The following FHDC1 variants were observed in gnomAD, a reference collection of about 807,000 sequenced individuals.
FHDC1 encodes the protein FH2 domain-containing protein 1.
In FHDC1, 25 loss-of-function variants were observed where a neutral mutation model predicts 52.6. The ratio of observed to expected loss-of-function variants is 0.48; its 90% CI spans 0.35 to 0.66. The LOEUF is 0.66. Among genes scored for constraint, FHDC1 ranks in the 30% least tolerant of loss-of-function variants. The pLI is 0.01. For synonymous variants in FHDC1, 616 were observed against 581.5 expected, an observed-to-expected ratio of 1.06 and a Z score of -0.85; for missense variants, 1,459 against 1,452.8, an observed-to-expected ratio of 1.00 and a Z score of -0.07.
At chr4:152,931,832 G>A (rs1324820679), upstream of FHDC1, among the ~76,000 whole-genome samples, 1 of 151,444 alleles carries the variant, frequency 6.6e-6, no homozygotes, top group Non-Finnish European at 1.5e-5. Context: ...ACCTACTTGG[G>A]AGGCTGAAGT....
At position 152,976,379 on chromosome 4, in the gene FHDC1, C is replaced by T. The variant is rs1740884516; in HGVS notation, c.3088C>T (p.Pro1030Ser). Residue 1030 changes from proline to serine, a missense_variant, in exon 12 of 12, where the codon CCC becomes TCC. Pro to Ser is a moderately conservative substitution (Grantham distance 74). Around this residue, in one of 3 missense-constraint regions of FHDC1, gnomAD observed 939 missense variants for 854.5 expected, o/e 1.10. Transcript: ENST00000511601. Reference protein sequence around the residue: ...PSVPSVPHELPRVPSFARNTV... With the variant: ...PSVPSVPHELSRVPSFARNTV... ...AGTGCCCAGCGTCCCCCACGAACTA[C>T]CCCGTGTCCCGAGCTTTGCCCGGAA... is the stretch of plus-strand genomic sequence containing the variant. 1 of 1,613,706 alleles carries T rather than the reference C, an allele frequency of 6.2e-7. No homozygotes were observed. Among genetic ancestry groups the T allele is most frequent in the African/African-American group, 1.3e-5 (1 of 74,930 alleles).
At chr4:152,963,769 G>GTTTTTCTTTT (rs1740361370) in intron 8 of FHDC1, among the ~76,000 whole-genome samples, 1 of 51,794 alleles carries the variant, frequency 1.9e-5, no homozygotes, top group Non-Finnish European at 3.7e-5. Flanking sequence ...CCATTGCTTT[G>GTTTTTCTTTT]TTTTTTTTTT....
chr4:152,946,175 C>T (rs569869224), intron 2 of FHDC1, among the ~76,000 whole-genome samples: 5 of 152,226 alleles, frequency 3.3e-5, no homozygotes, highest in South Asian at 2.1e-4. Context: ...TGAATAATGC[C>T]GCTGTGTACA....
At chr4:152,971,791 A>G (rs1740646275) in intron 10 of FHDC1, among the ~76,000 whole-genome samples, 1 of 152,206 alleles carries the variant, frequency 6.6e-6, no homozygotes, top group African/African-American at 2.4e-5. Context: ...GAATACAGGC[A>G]TGGCCTGTTG....
chr4:152,958,407 C>T (rs1322027957), intron 4 of FHDC1, among the ~76,000 whole-genome samples: 3 of 152,186 alleles, frequency 2.0e-5, no homozygotes, highest in African/African-American at 7.2e-5. Context: ...TCTTAAAGAA[C>T]ATAAATCTCA....
the FHDC1 span, among the ~76,000 whole-genome samples, chr4:152,919,729 A>G: frequency 1.3e-5 from 2 of 152,104 alleles, no homozygotes; most frequent in African/African-American, 2.4e-5. Flanking sequence ...AGCAATTTAT[A>G]TGACTTTAGT....
intron 7 of FHDC1, 62 bp downstream of exon 7, chr4:152,962,946 TGTGTGTG>T (rs529081495): frequency 0.081 from 99,519 of 1,230,896 alleles, 2,322 homozygotes; most frequent in Non-Finnish European, 0.096. Context: ...TAAAGGTGTG[TGTGTGTG>T]TGTGTGTGTG....
chr4:152,935,979 C>A (rs969581593), upstream of FHDC1, among the ~76,000 whole-genome samples: 4 of 152,106 alleles, frequency 2.6e-5, no homozygotes, highest in South Asian at 8.3e-4. Context: ...CTCGCCCGTT[C>A]CCCGAGGACA....
intron 3 of FHDC1, among the ~76,000 whole-genome samples, chr4:152,953,874 G>T (rs1740000906): frequency 6.6e-6 from 1 of 152,276 alleles, no homozygotes; most frequent in African/African-American, 2.4e-5. Flanking sequence ...AGCGGTCAGA[G>T]TTTTGTGTTC....
At chr4:152,921,247 T>C in the FHDC1 span, among the ~76,000 whole-genome samples, 1 of 151,928 alleles carries the variant, frequency 6.6e-6, no homozygotes, top group Non-Finnish European at 1.5e-5. Flanking sequence ...AACACATTTC[T>C]TTTTTAGAAA....
chr4:152,973,583 C>T (rs1470985364), intron 11 of FHDC1, among the ~76,000 whole-genome samples: 1 of 152,218 alleles, frequency 6.6e-6, no homozygotes, highest in Non-Finnish European at 1.5e-5. Flanking sequence ...AAGAGCCAGG[C>T]ACCGGCCCCA....
rs58783965 is a variant in FHDC1 at position 152,963,769 on chromosome 4, G to GTTTTTTTTTTTTTTTTTT, written c.1029+656_1029+673dup. The stretch of plus-strand genomic sequence containing the variant: ...GGAGTCTGATCCTATCCATTGCTTT[G>GTTTTTTTTTTTTTTTTTT]TTTTTTTTTTTTTTTTTTTTTTTTT... On this transcript the variant is annotated intron_variant, in intron 8 of 11. Coordinates refer to ENST00000511601, the MANE Select transcript of FHDC1 (RefSeq NM_001371116.1). Among the ~76,000 whole-genome samples the GTTTTTTTTTTTTTTTTTT allele has an allele frequency of 1.5e-4, 8 of 51,802 alleles. 2 individuals carry two copies. The highest frequency in any genetic ancestry group is 2.6e-4 in the African/African-American group (4 of 15,446). The allele number at this position is 51,802 out of a possible 152,430, so 34.0% of individuals were successfully genotyped here.
At chr4:152,937,285 C>G (rs879882298) in intron 1 of FHDC1, among the ~76,000 whole-genome samples, 35 of 152,218 alleles carry the variant, frequency 2.3e-4, no homozygotes, top group Non-Finnish European at 3.5e-4. Flanking sequence ...GGGTTGGGAG[C>G]GCGCGGCCGC....
chr4:152,976,035 C>T lies in FHDC1; in HGVS notation c.2744C>T (p.Ala915Val), dbSNP rs1331411088. 2.6e-6 allele frequency: 4 copies of T among 1,565,812 alleles called. No individual in the cohort carries two copies. The highest frequency in any genetic ancestry group is 3.4e-6 in the Non-Finnish European group (4 of 1,160,606). The change falls in exon 12 of 12, where the codon GCC becomes GTC. Residue 915 changes from alanine to valine, a missense_variant. Coordinates refer to ENST00000511601, the MANE Select transcript of FHDC1 (RefSeq NM_001371116.1). ...VMPITKSSRG[A>V]GWRRPELSSR... Reference sequence around the variant, plus strand: ...CCCATCACCAAGTCCAGCAGAGGCGCCGGCTGGAGGCGACCAGAGCTGTCA... The same window carrying T: ...CCCATCACCAAGTCCAGCAGAGGCGTCGGCTGGAGGCGACCAGAGCTGTCA...
chr4:152,960,129 AT>A (rs1326684382), intron 4 of FHDC1, among the ~76,000 whole-genome samples: 1 of 152,010 alleles, frequency 6.6e-6, no homozygotes, highest in African/African-American at 2.4e-5. Context: ...TCAAAATAAG[AT>A]TTTTTTCCGT....
rs1205090378 is a variant in FHDC1 at position 152,975,958 on chromosome 4, G to T, written c.2667G>T (p.Lys889Asn). ...SARRSQGAVA[K>N]SVRTLTASEN... Reference sequence around the variant, plus strand: ...GGCGGAGCCAGGGGGCAGTGGCCAAGTCTGTGCGGACCCTGACCGCCTCAG... The same window carrying T: ...GGCGGAGCCAGGGGGCAGTGGCCAATTCTGTGCGGACCCTGACCGCCTCAG... The change falls in exon 12 of 12, where the codon AAG becomes AAT. Residue 889 changes from lysine to asparagine, a missense_variant. This residue lies in a region of FHDC1 where 939 missense variants were observed against 854.5 expected (regional missense o/e 1.10). Transcript: ENST00000511601. The T allele has an allele frequency of 2.6e-6, 4 of 1,519,166 alleles. No individual in the cohort carries two copies. The highest frequency in any genetic ancestry group is 3.5e-6 in the Non-Finnish European group (4 of 1,136,416). 94.1% of individuals were successfully genotyped at this position (1,519,166 alleles called of 1,614,324 possible).
At chr4:152,957,390 C>T (rs1740129676) in intron 4 of FHDC1, among the ~76,000 whole-genome samples, 1 of 152,196 alleles carries the variant, frequency 6.6e-6, no homozygotes, top group Non-Finnish European at 1.5e-5. Flanking sequence ...TTTTAAGACA[C>T]TCCTTGTTTT....
In FHDC1 at chr4:152,976,257, T is replaced by C. The variant is rs369440158; in HGVS notation, c.2966T>C (p.Leu989Pro). ...GSFKKPSAKP[L>P]RNLPRQKPEE... ...TTCAAGAAGCCCAGTGCCAAACCACTCAGGAACCTCCCCAGACAGAAGCCT... is the reference window on the plus strand; with the variant it reads ...TTCAAGAAGCCCAGTGCCAAACCACCCAGGAACCTCCCCAGACAGAAGCCT... Residue 989 changes from leucine to proline, a missense_variant, in exon 12 of 12, where the codon CTC (leucine) becomes CCC (proline). By Grantham distance (98) the Leu-to-Pro change is moderately conservative. This residue lies in a region of FHDC1 where 939 missense variants were observed against 854.5 expected (regional missense o/e 1.10). Transcript: ENST00000511601. 12 of 1,612,960 alleles carry C rather than the reference T, an allele frequency of 7.4e-6. No individual in the cohort carries two copies. Among genetic ancestry groups the C allele is most frequent in the African/African-American group, 1.3e-5 (1 of 74,786 alleles).
rs565351725 is a variant in FHDC1 at position 152,978,246 on chromosome 4, G to A, written c.*1523G>A. ...GGCTGCTATGACCTGTGTTCACTCT[G>A]GTTACAGGGAGGTGCAAACCATTCT... On this transcript the variant is annotated 3_prime_UTR_variant, in exon 12 of 12. Coordinates refer to ENST00000511601, the MANE Select transcript of FHDC1 (RefSeq NM_001371116.1). 4 of 152,334 alleles carry A rather than the reference G, an allele frequency of 2.6e-5. No individual in the cohort carries two copies. In the East Asian group the frequency reaches 7.7e-4, roughly 29 times the overall value. 9.4% of individuals were successfully genotyped at this position (152,334 alleles called of 1,614,324 possible).
Sources: allele counts gnomAD v4.1 joint callset (sites outside exome capture counted in the v4.1 genomes callset), GRCh38; gene constraint gnomAD v4.1.1; regional missense constraint gnomAD v4.1.1; transcripts MANE v1.5; gene names NCBI Gene and HGNC (gene_info 2026-07-23, HGNC 2026-07-21).